The following CAMKMT variants were observed in gnomAD, a reference collection of about 807,000 sequenced individuals.
CAMKMT encodes the protein calmodulin-lysine N-methyltransferase, also known as CaM KMT.
In CAMKMT, 53 loss-of-function variants were observed where a neutral mutation model predicts 48.0. The observed-to-expected ratio is 1.10, with a 90% CI of 0.89 to 1.39. CAMKMT has a LOEUF of 1.39. CAMKMT is among the 40% of genes most tolerant of loss of function. The probability of loss-of-function intolerance (pLI) is 0.00; values close to 1 mark genes in which losing one functional copy is unlikely to be tolerated. For missense variants in CAMKMT, 428 were observed against 402.7 expected (o/e 1.06, Z -0.54); for synonymous variants, 165 against 152.3 (o/e 1.08, Z -0.61).
rs189394814 is a variant in CAMKMT, at chr2:44,422,868, A to G, written c.376+32563A>G. ...TGCTTTTTGATGAAGAGATACATAGAACCAGTGAATTCTCTGGGTTATCAG... is the reference window on the plus strand; with the variant it reads ...TGCTTTTTGATGAAGAGATACATAGGACCAGTGAATTCTCTGGGTTATCAG... On this transcript the variant is annotated intron_variant, in intron 3 of 10. Transcript: ENST00000378494. 2.0e-5 allele frequency among the ~76,000 whole-genome samples: 3 copies of G among 152,206 alleles called. No homozygotes were observed. The East Asian group carries it at 5.8e-4, about 29-fold the overall frequency.
chr2:44,721,198 C>A (rs1678445345), intron 7 of CAMKMT, among the ~76,000 whole-genome samples: 1 of 152,178 alleles, frequency 6.6e-6, no homozygotes, highest in South Asian at 2.1e-4. Flanking sequence ...TAATAGGCAT[C>A]TTTGAGTCTG....
At chr2:44,409,119 A>AAAGACAAC (rs1683002187) in intron 3 of CAMKMT, among the ~76,000 whole-genome samples, 1 of 3,938 alleles carries the variant, frequency 2.5e-4, no homozygotes, top group Non-Finnish European at 5.8e-4. Context: ...ATATATATAT[A>AAAGACAAC]TATATATATA....
At chr2:44,594,798 CA>C (rs1670552400) in intron 3 of CAMKMT, among the ~76,000 whole-genome samples, 1 of 152,218 alleles carries the variant, frequency 6.6e-6, no homozygotes, top group East Asian at 1.9e-4. Flanking sequence ...CAACAAAATC[CA>C]AAATTGACAA....
chr2:44,666,043 A>G (rs1674948170), intron 3 of CAMKMT, among the ~76,000 whole-genome samples: 1 of 152,254 alleles, frequency 6.6e-6, no homozygotes, highest in African/African-American at 2.4e-5. Context: ...AGGAGAAGAT[A>G]GATTTTAAAT....
intron 3 of CAMKMT, among the ~76,000 whole-genome samples, chr2:44,583,341 G>A (rs10201401): frequency 0.85 from 129,733 of 152,188 alleles, 55,778 homozygotes; most frequent in Non-Finnish European, 0.87. Context: ...TAAGTGACCA[G>A]TTACATAATT....
intron 3 of CAMKMT, among the ~76,000 whole-genome samples, chr2:44,600,566 C>G (rs768411516): frequency 6.6e-6 from 1 of 152,040 alleles, no homozygotes; most frequent in African/African-American, 2.4e-5. Context: ...TGGTGCCTGG[C>G]CAAGATCAAG....
In CAMKMT at chr2:44,365,959, A is replaced by G. The variant is rs72875349; in HGVS notation, c.138+3814A>G. Among the ~76,000 whole-genome samples the G allele has an allele frequency of 7.7e-3, 1,177 of 152,356 alleles. 12 individuals carry two copies. Among genetic ancestry groups the G allele is most frequent in the African/African-American group, 0.021 (865 of 41,584 alleles). On this transcript the variant is annotated intron_variant, in intron 1 of 10. Transcript: ENST00000378494. ...AATTGAAAAAGTTGGTTAAGAGGTG[A>G]ATTGTAATAACGATACATATTCCAA... is the stretch of plus-strand genomic sequence containing the variant.
intron 3 of CAMKMT, among the ~76,000 whole-genome samples, chr2:44,435,162 G>A (rs527758311): frequency 2.6e-5 from 4 of 152,152 alleles, no homozygotes; most frequent in East Asian, 1.9e-4. Flanking sequence ...TTGTAACCTC[G>A]ATTTTATAAA....
chr2:44,606,015 T>C (rs973914347), intron 3 of CAMKMT, among the ~76,000 whole-genome samples: 2 of 152,194 alleles, frequency 1.3e-5, no homozygotes, highest in African/African-American at 4.8e-5. Context: ...ATTTGAATAA[T>C]TTGAGCCTGC....
At chr2:44,544,182 A>G (rs551003144) in intron 3 of CAMKMT, among the ~76,000 whole-genome samples, 1 of 152,198 alleles carries the variant, frequency 6.6e-6, no homozygotes, top group African/African-American at 2.4e-5. Flanking sequence ...TTATACCTAA[A>G]ATAGTCAATG....
chr2:44,619,033 C>G (rs1408115348), intron 3 of CAMKMT, among the ~76,000 whole-genome samples: 4 of 152,074 alleles, frequency 2.6e-5, no homozygotes. Context: ...TATTCTGTGA[C>G]CTTTGGTCCA....
intron 3 of CAMKMT, among the ~76,000 whole-genome samples, chr2:44,392,979 G>GA (rs1426168290): frequency 1.3e-5 from 2 of 151,924 alleles, no homozygotes; most frequent in Admixed American, 1.3e-4. Flanking sequence ...CCTAGTAATA[G>GA]AAAAAACAGC....
intron 3 of CAMKMT, among the ~76,000 whole-genome samples, chr2:44,663,920 GGTAA>G (rs927337664): frequency 4.9e-4 from 74 of 152,066 alleles, no homozygotes; most frequent in Admixed American, 4.2e-3. Context: ...TAAAATTTAT[GGTAA>G]GTGAGATGGT....
intron 3 of CAMKMT, among the ~76,000 whole-genome samples, chr2:44,545,795 G>A (rs977669184): frequency 6.6e-5 from 10 of 151,562 alleles, no homozygotes; most frequent in Non-Finnish European, 1.3e-4. Context: ...TGGAGTGACA[G>A]TATGGGAGCC....
chr2:44,680,265 A>C (rs990975805), intron 3 of CAMKMT, among the ~76,000 whole-genome samples: 4 of 152,182 alleles, frequency 2.6e-5, no homozygotes, highest in Non-Finnish European at 5.9e-5. Flanking sequence ...TAGATCATGT[A>C]AGGTCAGTGC....
intron 3 of CAMKMT, among the ~76,000 whole-genome samples, chr2:44,539,852 GTGTC>G (rs2104851504): frequency 6.6e-6 from 1 of 152,256 alleles, no homozygotes; most frequent in South Asian, 2.1e-4. Context: ...TGACATTGAT[GTGTC>G]TCATTATTGG....
intron 3 of CAMKMT, among the ~76,000 whole-genome samples, chr2:44,640,268 T>G (rs1250922476): frequency 1.3e-5 from 2 of 152,152 alleles, no homozygotes; most frequent in Non-Finnish European, 2.9e-5. Flanking sequence ...AAAACACTGG[T>G]TTTAACAATA....
At chr2:44,540,901 A>G (rs1164997256) in intron 3 of CAMKMT, among the ~76,000 whole-genome samples, 1 of 152,256 alleles carries the variant, frequency 6.6e-6, no homozygotes, top group Non-Finnish European at 1.5e-5. Flanking sequence ...TGCATGATGT[A>G]AGATATGTGT....
chr2:44,450,248 A>G (rs931370924), intron 3 of CAMKMT, among the ~76,000 whole-genome samples: 1 of 152,166 alleles, frequency 6.6e-6, no homozygotes, highest in Non-Finnish European at 1.5e-5. Flanking sequence ...TGATCTTACC[A>G]ATGAGCAGTT....
Sources: gnomAD v4.1 joint callset for allele counts (sites outside exome capture counted in the v4.1 genomes callset) on GRCh38, gnomAD v4.1.1 for gene constraint, MANE v1.5 for transcripts, NCBI Gene and HGNC (gene_info 2026-07-23, HGNC 2026-07-21) for gene names.